B4GALNT3: variants seen among roughly 807,000 people sequenced by gnomAD.
B4GALNT3 encodes beta-1,4-N-acetylgalactosaminyltransferase 3.
A neutral mutation model predicts 120.2 loss-of-function variants in B4GALNT3; 86 were observed. That is an observed-to-expected ratio of 0.72 (90% CI 0.60 to 0.86). B4GALNT3 has a LOEUF of 0.86. Among genes scored for constraint, B4GALNT3 ranks in the 40% least tolerant of loss-of-function variants. The pLI is 0.00. For missense variants in B4GALNT3, 1,167 were observed against 1,298.9 expected, an observed-to-expected ratio of 0.90 and a Z score of 1.56; for synonymous variants, 518 against 510.4, an observed-to-expected ratio of 1.01 and a Z score of -0.20.
intron 1 of B4GALNT3, among the ~76,000 whole-genome samples, chr12:465,364 AGCACCTGATATTTTCCACTG>A (rs555060604): frequency 1.5e-3 from 224 of 152,304 alleles, no homozygotes; most frequent in Non-Finnish European, 2.4e-3. Flanking sequence ...TGAATTTCCA[AGCACCTGATATTTTCCACTG>A]GCAGATACTG....
chr12:529,506 G>T (rs879741439), intron 1 of B4GALNT3, among the ~76,000 whole-genome samples: 1 of 152,194 alleles, frequency 6.6e-6, no homozygotes, highest in Non-Finnish European at 1.5e-5. Context: ...ATTTGGGGCC[G>T]ACGATACTAC....
At chr12:523,619 C>T (rs77565971) in intron 1 of B4GALNT3, among the ~76,000 whole-genome samples, 7,183 of 152,276 alleles carry the variant, frequency 0.047, 202 homozygotes, top group African/African-American at 0.055. Context: ...GGCTCTAGTC[C>T]GGTCCCTAGC....
At chr12:551,145 C>A in intron 11 of B4GALNT3, 114 bp downstream of exon 11, 1 of 907,144 alleles carries the variant, frequency 1.1e-6, no homozygotes, top group African/African-American at 1.6e-5. Flanking sequence ...CCCATCCCAG[C>A]AGACAGGACG....
chr12:556,845 G>A lies in B4GALNT3; in HGVS notation c.2359G>A (p.Val787Met), dbSNP rs141658973. ...GGGTTTCTCCTGGAGTCACCGAGCC[G>A]TGGTCCACTTCGTCGTGCCTGGTGA... ...PQGFSWSHRA[V>M]VHFVVPVKNQ... Residue 787 changes from valine (V) to methionine (M), a missense_variant, in exon 15 of 20, where the codon GTG (valine) becomes ATG (methionine). By Grantham distance (21) the Val-to-Met change is conservative. This residue lies in a region of B4GALNT3 where 983 missense variants were observed against 1,102.5 expected (regional missense o/e 0.89). Transcript: ENST00000266383. The A allele has an allele frequency of 5.5e-5, 89 of 1,606,126 alleles. No individual in the cohort carries two copies. The highest frequency in any genetic ancestry group is 3.9e-4 in the African/African-American group (29 of 74,780).
At chr12:559,519 CAG>C (rs1241393042) in intron 19 of B4GALNT3, 98 bp downstream of exon 19, 10 of 1,541,832 alleles carry the variant, frequency 6.5e-6, no homozygotes, top group Non-Finnish European at 8.8e-6. Context: ...CCCTCGGCCG[CAG>C]AGTCCCAAAG....
In B4GALNT3 at chr12:550,882, C is replaced by T. The variant is rs761132813; in HGVS notation, c.998-40C>T. 6.6e-6 allele frequency: 10 copies of T among 1,508,410 alleles called. No homozygotes were observed. In the East Asian group the frequency reaches 2.3e-4, roughly 34 times the overall value. The allele number at this position is 1,508,410 out of a possible 1,614,324, so 93.4% of individuals were successfully genotyped here. ...AGAGGACTTCAGCCCCAGTTTCGTG[C>T]TCACCCTCACCCTCACTCCTCCTCC... On this transcript the variant is annotated intron_variant, in intron 10 of 19. Coordinates refer to ENST00000266383, the MANE Select transcript of B4GALNT3 (RefSeq NM_173593.4). This position sits in a 1 kb window ranked among gnomAD's most constrained non-coding sequence, Gnocchi z 4.1.
At chr12:559,527 C>T (rs949205579) in intron 19 of B4GALNT3, 106 bp downstream of exon 19, 129 of 1,506,146 alleles carry the variant, frequency 8.6e-5, no homozygotes, top group Non-Finnish European at 1.1e-4. Flanking sequence ...CGCAGAGTCC[C>T]AAAGCACAGT....
At position 527,408 on chromosome 12, in the gene B4GALNT3, G is replaced by A. The variant is rs538640024; in HGVS notation, c.170-7758G>A. ...GTACAGTCCCTTGTGCCTGTAGCTC[G>A]CAAACCTCAGCCTGCCTGCAGCCAC... On this transcript the variant is annotated intron_variant, in intron 1 of 19. Coordinates refer to ENST00000266383, the MANE Select transcript of B4GALNT3 (RefSeq NM_173593.4). Among the ~76,000 whole-genome samples, 37 of 152,322 alleles carry A rather than the reference G, an allele frequency of 2.4e-4. 1 individual carries two copies. The South Asian group carries it at 4.3e-3, about 18-fold the overall frequency.
Position 553,223 on chromosome 12 carries a change from C to T in B4GALNT3, c.1300C>T (p.Gln434Ter). The change falls in exon 14 of 20, where the codon CAG becomes TAG. Residue 434 changes from glutamine (Q) to a stop codon, truncating the protein, a stop_gained. Transcript: ENST00000266383. LOFTEE classifies it high-confidence loss of function. Reference protein sequence around the residue: ...GFEENLLEESQYGEVAEETPA... With the variant: ...GFEENLLEES ...TGAGGAAAACCTTCTAGAAGAGTCC[C>T]AGTATGGGGAAGTGGCAGAGGAGAC... 1.2e-6 allele frequency: 2 copies of T among 1,613,444 alleles called. No individual in the cohort carries two copies. Among genetic ancestry groups the T allele is most frequent in the East Asian group, 2.2e-5 (1 of 44,886 alleles).
intron 1 of B4GALNT3, among the ~76,000 whole-genome samples, chr12:520,644 T>TGCTCAGTAGTTTAATCGGCCATCATAACG: frequency 6.6e-6 from 1 of 152,258 alleles, no homozygotes; most frequent in African/African-American, 2.4e-5. Context: ...CTTATGGGAT[T>TGCTCAGTAGTTTAATCGGCCATCATAACG]GTGACTAATA....
chr12:557,165 A>G (rs1410118802), intron 15 of B4GALNT3, among the ~76,000 whole-genome samples: 1 of 152,092 alleles, frequency 6.6e-6, no homozygotes, highest in East Asian at 1.9e-4. Flanking sequence ...TGGTCTGGGG[A>G]AGTAAGACGG....
chr12:470,611 G>A (rs1025600425), intron 1 of B4GALNT3, among the ~76,000 whole-genome samples: 2 of 152,226 alleles, frequency 1.3e-5, no homozygotes, highest in African/African-American at 2.4e-5. Flanking sequence ...TGGGCAGCAC[G>A]TCCCAGGTGA....
At chr12:523,999 T>G (rs2003559) in intron 1 of B4GALNT3, among the ~76,000 whole-genome samples, 25,196 of 152,084 alleles carry the variant, frequency 0.17, 3,535 homozygotes, top group East Asian at 0.41. Flanking sequence ...AGGGGGAGGT[T>G]GCAGTGAGCC....
intron 1 of B4GALNT3, among the ~76,000 whole-genome samples, chr12:471,280 G>T (rs796539545): frequency 7.3e-4 from 111 of 151,710 alleles, no homozygotes; most frequent in African/African-American, 2.6e-3. Context: ...AGCTACTCGG[G>T]AGGCTGAGGC....
At chr12:527,775 C>G (rs1280286554) in intron 1 of B4GALNT3, among the ~76,000 whole-genome samples, 2 of 152,190 alleles carry the variant, frequency 1.3e-5, no homozygotes, top group African/African-American at 4.8e-5. Flanking sequence ...GGGGAGCAGG[C>G]TCACACTCAA....
Position 460,560 on chromosome 12 carries a change from G to T in B4GALNT3, c.169+15G>T. 7.0e-7 allele frequency: 1 copy of T among 1,428,978 alleles called. No individual in the cohort carries two copies. Among genetic ancestry groups the T allele is most frequent in the Admixed American group, 2.4e-5 (1 of 40,974 alleles). The allele number at this position is 1,428,978 out of a possible 1,614,324, so 88.5% of individuals were successfully genotyped here. The stretch of plus-strand genomic sequence containing the variant: ...CCTGAACCGGAGTAAGTAGCACCCA[G>T]GGGAGGCGAAGGGCGCGGGGGTGGG... On this transcript the variant is annotated intron_variant, in intron 1 of 19. Transcript: ENST00000266383. The surrounding 1 kb of genome is among the most constrained non-coding windows in gnomAD (Gnocchi z 8.0).
chr12:535,083 C>T (rs1946844791), intron 1 of B4GALNT3, 83 bp from the exon 2 acceptor site: 1 of 1,175,698 alleles, frequency 8.5e-7, no homozygotes, highest in East Asian at 2.5e-5. Context: ...AGACGGTTCC[C>T]TCCATTAACC....
intron 1 of B4GALNT3, among the ~76,000 whole-genome samples, chr12:510,958 C>G (rs1227839644): frequency 6.6e-6 from 1 of 151,364 alleles, no homozygotes; most frequent in African/African-American, 2.4e-5. Context: ...CAATTCTCCC[C>G]ACCTCCAGCA....
At chr12:544,552 G>C in intron 4 of B4GALNT3, 118 bp downstream of exon 4, 1 of 971,172 alleles carries the variant, frequency 1.0e-6, no homozygotes, top group South Asian at 1.4e-5. Flanking sequence ...TATCTCTTGA[G>C]CTCTCTTTTT....
Sources: gnomAD v4.1 joint callset for allele counts (sites outside exome capture counted in the v4.1 genomes callset) on GRCh38, gnomAD v4.1.1 for gene constraint, gnomAD v4.1.1 regional missense constraint, Gnocchi (gnomAD v3.1) non-coding constraint, MANE v1.5 for transcripts, NCBI Gene and HGNC (gene_info 2026-07-23, HGNC 2026-07-21) for gene names.